Variants in SMOC1 observed in about 807,000 individuals in gnomAD.
SMOC1 encodes SPARC related modular calcium binding 1.
A neutral mutation model predicts 56.3 loss-of-function variants in SMOC1; 22 were observed. The observed-to-expected ratio is 0.39, with a 90% CI of 0.28 to 0.56. The LOEUF (loss-of-function observed/expected upper bound fraction) is 0.56. Among genes scored for constraint, SMOC1 ranks in the 20% least tolerant of loss-of-function variants. SMOC1 has a pLI of 0.61. For missense variants in SMOC1, 509 were observed against 565.4 expected (o/e 0.90, Z 1.01); for synonymous variants, 193 against 215.0 (o/e 0.90, Z 0.89).
intron 1 of SMOC1, among the ~76,000 whole-genome samples, chr14:69,884,839 A>G (rs996359362): frequency 6.6e-6 from 1 of 152,020 alleles, no homozygotes; most frequent in Non-Finnish European, 1.5e-5. Context: ...ATAGCTTTGT[A>G]GTTTATTTTG....
At chr14:69,992,611 G>C (rs1884605927) in intron 6 of SMOC1, 138 bp downstream of exon 6, 1 of 768,252 alleles carries the variant, frequency 1.3e-6, no homozygotes, top group Non-Finnish European at 2.2e-6. Flanking sequence ...GTGTAAGCTG[G>C]GTTGTTTTAA....
At chr14:69,890,431 G>C (rs895276708) in intron 1 of SMOC1, among the ~76,000 whole-genome samples, 7 of 152,218 alleles carry the variant, frequency 4.6e-5, no homozygotes, top group Admixed American at 1.3e-4. Flanking sequence ...GCTGTTGGTG[G>C]TGGTGATCAT....
intron 1 of SMOC1, among the ~76,000 whole-genome samples, chr14:69,890,952 A>G (rs1295166408): frequency 5.3e-5 from 8 of 152,230 alleles, no homozygotes; most frequent in Admixed American, 5.2e-4. Flanking sequence ...GTGGTAAAAC[A>G]TGGGAAATTA....
intron 1 of SMOC1, among the ~76,000 whole-genome samples, chr14:69,911,058 T>A (rs1208357595): frequency 6.6e-6 from 1 of 151,970 alleles, no homozygotes; most frequent in Admixed American, 6.6e-5. Context: ...TAGCAGGGAG[T>A]CATCATGGAA....
intron 7 of SMOC1, among the ~76,000 whole-genome samples, chr14:70,008,822 C>T (rs377560797): frequency 1.1e-4 from 16 of 152,292 alleles, no homozygotes; most frequent in East Asian, 3.9e-4. Context: ...GCATGAAATA[C>T]GAGGTAGGAA....
intron 1 of SMOC1, among the ~76,000 whole-genome samples, chr14:69,907,186 G>T (rs796097261): frequency 3.9e-5 from 6 of 152,272 alleles, no homozygotes; most frequent in African/African-American, 1.4e-4. Flanking sequence ...CTTAAAACTA[G>T]TCTAGGGATT....
chr14:69,966,370 G>A (rs953118511), intron 3 of SMOC1, among the ~76,000 whole-genome samples: 1 of 152,164 alleles, frequency 6.6e-6, no homozygotes, highest in African/African-American at 2.4e-5. Context: ...CTTTGTGGGG[G>A]ATGCTGTTCA....
chr14:69,936,952 A>G lies in SMOC1; in HGVS notation c.100-15186A>G, dbSNP rs145792434. Among the ~76,000 whole-genome samples, 425 of 152,278 alleles carry G rather than the reference A, an allele frequency of 2.8e-3. 1 individual carries two copies. The highest frequency in any genetic ancestry group is 9.7e-3 in the African/African-American group (402 of 41,540). On this transcript the variant is annotated intron_variant, in intron 1 of 11. Transcript: ENST00000361956. ...GTATGTATTATATGTATGTATATTTATATACATGTTTGATATTCTGCTTTG... is the reference window on the plus strand; with the variant it reads ...GTATGTATTATATGTATGTATATTTGTATACATGTTTGATATTCTGCTTTG...
chr14:69,983,542 G>A (rs1428714894), intron 5 of SMOC1, among the ~76,000 whole-genome samples: 5 of 152,220 alleles, frequency 3.3e-5, no homozygotes, highest in African/African-American at 4.8e-5. Context: ...ACCTCTGCAG[G>A]GGAGGGAAGG....
chr14:69,932,421 C>T (rs867985439), intron 1 of SMOC1, among the ~76,000 whole-genome samples: 1 of 152,182 alleles, frequency 6.6e-6, no homozygotes, highest in Admixed American at 6.5e-5. Flanking sequence ...TCCTCCTGTC[C>T]CTGGGGCTGG....
chr14:70,020,341 A>G (rs536328476), intron 10 of SMOC1, among the ~76,000 whole-genome samples: 4 of 152,114 alleles, frequency 2.6e-5, no homozygotes, highest in Non-Finnish European at 4.4e-5. Flanking sequence ...ATGTACTTGG[A>G]GTTTGGCCTG....
chr14:69,913,033 T>C (rs1594798462), intron 1 of SMOC1, among the ~76,000 whole-genome samples: 1 of 152,320 alleles, frequency 6.6e-6, no homozygotes, highest in East Asian at 1.9e-4. Flanking sequence ...ATGGCTGGCA[T>C]GTGGAGACAC....
intron 5 of SMOC1, among the ~76,000 whole-genome samples, chr14:69,986,661 C>T (rs1291995659): frequency 6.6e-6 from 1 of 152,128 alleles, no homozygotes; most frequent in Admixed American, 6.5e-5. Flanking sequence ...CTGTGTGAAC[C>T]CAGCCCTGAC....
chr14:69,993,012 CT>C (rs1228176779), intron 6 of SMOC1, among the ~76,000 whole-genome samples: 1 of 150,208 alleles, frequency 6.7e-6, no homozygotes, highest in East Asian at 1.9e-4. Context: ...CTGGGAAAAG[CT>C]TTTGTGAAGA....
At chr14:69,946,905 C>T (rs1372700983) in intron 1 of SMOC1, among the ~76,000 whole-genome samples, 1 of 152,180 alleles carries the variant, frequency 6.6e-6, no homozygotes, top group Non-Finnish European at 1.5e-5. Flanking sequence ...CACCCCCCAT[C>T]CCTCTTGCTT....
chr14:69,974,511 G>A (rs1324221969), intron 3 of SMOC1, among the ~76,000 whole-genome samples: 1 of 152,144 alleles, frequency 6.6e-6, no homozygotes, highest in East Asian at 1.9e-4. Flanking sequence ...CATGAAATGA[G>A]GCTACGGAAA....
chr14:69,952,948 T>G (rs1326448462), intron 2 of SMOC1, among the ~76,000 whole-genome samples: 1 of 152,214 alleles, frequency 6.6e-6, no homozygotes, highest in Non-Finnish European at 1.5e-5. Context: ...ATCTTTTTCC[T>G]GAGTCCTGTA....
intron 11 of SMOC1, among the ~76,000 whole-genome samples, chr14:70,024,110 C>T (rs1318645193): frequency 6.6e-6 from 1 of 152,086 alleles, no homozygotes; most frequent in Non-Finnish European, 1.5e-5. Context: ...GTTTTATGGG[C>T]CAGCCCTGGA....
At chr14:69,965,681 G>A (rs1883548445) in intron 3 of SMOC1, among the ~76,000 whole-genome samples, 1 of 152,142 alleles carries the variant, frequency 6.6e-6, no homozygotes, top group African/African-American at 2.4e-5. Flanking sequence ...GGGATGGGAG[G>A]GAGTGTTCCT....
Sources: gnomAD v4.1 joint callset for allele counts (sites outside exome capture counted in the v4.1 genomes callset) on GRCh38, gnomAD v4.1.1 for gene constraint, MANE v1.5 for transcripts, NCBI Gene and HGNC (gene_info 2026-07-23, HGNC 2026-07-21) for gene names.